Variants in RSU1 observed in about 807,000 individuals in gnomAD.
The protein encoded by RSU1 is rsu-1.
Under a neutral mutation model 31.1 loss-of-function variants are expected in RSU1, and 26 were observed. The ratio of observed to expected loss-of-function variants is 0.84; its 90% CI spans 0.61 to 1.16. RSU1 has a LOEUF of 1.16. Among genes scored for constraint, RSU1 ranks in the 50% most tolerant of loss-of-function variants. RSU1 has a pLI of 0.00. For synonymous variants in RSU1, 164 were observed against 136.3 expected (o/e 1.20, Z -1.41); for missense variants, 320 against 339.1 (o/e 0.94, Z 0.44).
chr10:16,752,917 C>T lies in RSU1; in HGVS notation c.483+1G>A, dbSNP rs764025554. The T allele has an allele frequency of 4.3e-6, 7 of 1,612,586 alleles. No homozygotes were observed. The Admixed American group carries it at 5.0e-5, about 12-fold the overall frequency. Reference sequence around the variant, plus strand: ...TCTAAGAATTTAGATAAATTACTTACTATCTGCAACTTTGTGAGCTTCCCA... The same window carrying T: ...TCTAAGAATTTAGATAAATTACTTATTATCTGCAACTTTGTGAGCTTCCCA... On this transcript the variant is annotated splice_donor_variant, in intron 6 of 8. Coordinates refer to ENST00000345264, the MANE Select transcript of RSU1 (RefSeq NM_012425.4). LOFTEE classifies it high-confidence loss of function.
At chr10:16,599,919 C>T (rs576383658) in intron 8 of RSU1, among the ~76,000 whole-genome samples, 2 of 152,122 alleles carry the variant, frequency 1.3e-5, no homozygotes, top group African/African-American at 4.8e-5. Context: ...CCCAAGGTCA[C>T]CCATGGGGCT....
At chr10:16,694,031 T>C (rs1055336921) in intron 8 of RSU1, among the ~76,000 whole-genome samples, 1 of 152,210 alleles carries the variant, frequency 6.6e-6, no homozygotes, top group Non-Finnish European at 1.5e-5. Context: ...ACAGTTTGTT[T>C]TGCAGCTGGG....
chr10:16,728,092 T>A (rs1836433918), intron 7 of RSU1, among the ~76,000 whole-genome samples: 1 of 152,220 alleles, frequency 6.6e-6, no homozygotes, highest in African/African-American at 2.4e-5. Context: ...TGAATGAGAC[T>A]ATTTGCAAGA....
intron 8 of RSU1, among the ~76,000 whole-genome samples, chr10:16,629,982 TGA>T (rs1271098224): frequency 6.6e-6 from 1 of 152,152 alleles, no homozygotes; most frequent in Non-Finnish European, 1.5e-5. Flanking sequence ...TAACTCTCTT[TGA>T]GAAAAAAATG....
At chr10:16,627,860 G>T (rs1176748237) in intron 8 of RSU1, among the ~76,000 whole-genome samples, 1 of 151,700 alleles carries the variant, frequency 6.6e-6, no homozygotes, top group East Asian at 1.9e-4. Context: ...TGGCTTCTCT[G>T]ATGATCATTA....
chr10:16,813,365 A>G (rs1838450568), intron 2 of RSU1, among the ~76,000 whole-genome samples: 2 of 152,238 alleles, frequency 1.3e-5, no homozygotes, highest in Admixed American at 6.5e-5. Context: ...AACACCTGAT[A>G]CAAATGCCTT....
chr10:16,659,301 CTTTT>C (rs869035739), intron 8 of RSU1, among the ~76,000 whole-genome samples: 11 of 100,788 alleles, frequency 1.1e-4, no homozygotes, highest in East Asian at 3.2e-4. Flanking sequence ...AGGTTATATT[CTTTT>C]TTTTTTTTTT....
intron 8 of RSU1, among the ~76,000 whole-genome samples, chr10:16,655,966 CTG>C (rs1397895453): frequency 6.6e-6 from 1 of 151,922 alleles, no homozygotes; most frequent in African/African-American, 2.4e-5. Context: ...TTGAATACTA[CTG>C]TGATAATAAA....
At chr10:16,672,531 C>T (rs965887890) in intron 8 of RSU1, among the ~76,000 whole-genome samples, 3 of 152,050 alleles carry the variant, frequency 2.0e-5, no homozygotes, top group African/African-American at 7.2e-5. Context: ...TACAAATCAG[C>T]AATGAAAAGA....
chr10:16,720,887 G>T (rs1836244240), intron 7 of RSU1, among the ~76,000 whole-genome samples: 1 of 152,174 alleles, frequency 6.6e-6, no homozygotes, highest in Non-Finnish European at 1.5e-5. Flanking sequence ...TTGGGAGGCT[G>T]AGGTGGGAGG....
At chr10:16,750,289 C>T (rs755778467) in intron 7 of RSU1, among the ~76,000 whole-genome samples, 1 of 152,160 alleles carries the variant, frequency 6.6e-6, no homozygotes, top group South Asian at 2.1e-4. Flanking sequence ...CACGTACTTA[C>T]AACTGTTTGT....
chr10:16,600,043 T>C (rs2131456495), intron 8 of RSU1, among the ~76,000 whole-genome samples: 1 of 151,232 alleles, frequency 6.6e-6, no homozygotes, highest in East Asian at 1.9e-4. Context: ...AATTGGGAGA[T>C]GATTAAGAAG....
intron 8 of RSU1, among the ~76,000 whole-genome samples, chr10:16,654,426 T>G (rs1044725966): frequency 6.7e-6 from 1 of 149,106 alleles, no homozygotes; most frequent in Non-Finnish European, 1.5e-5. Flanking sequence ...TCCCAGCACT[T>G]TGGGAGGCTG....
intron 2 of RSU1, among the ~76,000 whole-genome samples, chr10:16,798,685 A>G (rs781776546): frequency 1.3e-5 from 2 of 152,216 alleles, no homozygotes; most frequent in Non-Finnish European, 2.9e-5. Context: ...CAGTATGAAA[A>G]CAGACTAATA....
At chr10:16,633,834 G>A (rs1588685122) in intron 8 of RSU1, among the ~76,000 whole-genome samples, 2 of 152,094 alleles carry the variant, frequency 1.3e-5, no homozygotes, top group African/African-American at 2.4e-5. Flanking sequence ...CCTGCCCTGG[G>A]TGGGTCAGGA....
At chr10:16,732,204 T>C (rs1836527203) in intron 7 of RSU1, among the ~76,000 whole-genome samples, 1 of 152,202 alleles carries the variant, frequency 6.6e-6, no homozygotes, top group Admixed American at 6.5e-5. Context: ...ATTCAAGTCA[T>C]GAAATGTAAT....
Position 16,691,379 on chromosome 10 carries a change from G to GTTTT in RSU1, c.731+3640_731+3643dup, listed in dbSNP as rs371190541. On this transcript the variant is annotated intron_variant, in intron 8 of 8. Coordinates refer to ENST00000345264, the MANE Select transcript of RSU1 (RefSeq NM_012425.4). ...AACACAATAGCGGCATTTTTGTGCA[G>GTTTT]TTTTTTTTTTTTTTTTAATGATTAA... Among the ~76,000 whole-genome samples, 502 of 133,786 alleles carry GTTTT rather than the reference G, an allele frequency of 3.8e-3. 10 individuals are homozygous for GTTTT. Among genetic ancestry groups the GTTTT allele is most frequent in the Middle Eastern group, 8.5e-3 (2 of 236 alleles). 87.8% of individuals were successfully genotyped at this position (133,786 alleles called of 152,430 possible). A position where few individuals can be genotyped will look rare whatever the true frequency, so the allele number is the denominator to read the frequency against.
chr10:16,756,780 T>C (rs761323749), intron 4 of RSU1, among the ~76,000 whole-genome samples: 3 of 152,134 alleles, frequency 2.0e-5, no homozygotes, highest in African/African-American at 7.2e-5. Context: ...GCAACCCATG[T>C]GTTGCTCAAG....
chr10:16,732,276 C>G (rs1836529504), intron 7 of RSU1, among the ~76,000 whole-genome samples: 2 of 152,212 alleles, frequency 1.3e-5, no homozygotes, highest in African/African-American at 4.8e-5. Context: ...CAGCTAAAAT[C>G]TCACCTCTAC....
Sources: gnomAD v4.1 joint callset for allele counts (sites outside exome capture counted in the v4.1 genomes callset) on GRCh38, gnomAD v4.1.1 for gene constraint, MANE v1.5 for transcripts, NCBI Gene and HGNC (gene_info 2026-07-23, HGNC 2026-07-21) for gene names.